TPRA1: variants seen among roughly 807,000 people sequenced by gnomAD.
The protein encoded by TPRA1 is transmembrane protein adipocyte-associated 1.
A neutral mutation model predicts 40.1 loss-of-function variants in TPRA1; 28 were observed. The ratio of observed to expected loss-of-function variants is 0.70; its 90% confidence interval spans 0.52 to 0.96. The LOEUF is 0.96. Ranked by LOEUF, TPRA1 falls within the 40% of genes least tolerant of loss-of-function variation. The probability of loss-of-function intolerance (pLI) is 0.00; values close to 1 mark genes in which losing one functional copy is unlikely to be tolerated. For synonymous variants in TPRA1, 219 were observed against 209.7 expected (o/e 1.04, Z -0.38); for missense variants, 441 against 482.6 (o/e 0.91, Z 0.81).
intron 1 of TPRA1, among the ~76,000 whole-genome samples, chr3:127,583,547 G>A (rs2073899757): frequency 6.6e-6 from 1 of 152,144 alleles, no homozygotes. Flanking sequence ...GGCCATAGCT[G>A]CAATCTTCAA....
upstream of TPRA1, among the ~76,000 whole-genome samples, chr3:127,592,383 T>TG (rs2074191935): frequency 1.4e-5 from 2 of 141,276 alleles, no homozygotes; most frequent in South Asian, 2.5e-4. Context: ...TTTTTTTTTT[T>TG]TTTTTTTTTT....
At chr3:127,592,711 G>A (rs1248298038), upstream of TPRA1, among the ~76,000 whole-genome samples, 1 of 152,222 alleles carries the variant, frequency 6.6e-6, no homozygotes, top group African/African-American at 2.4e-5. Flanking sequence ...ATGAGCGCCT[G>A]GGTGCAGGTG....
chr3:127,580,151 C>G lies in TPRA1; in HGVS notation c.-5G>C, dbSNP rs1413812221. On this transcript the variant is annotated 5_prime_UTR_variant, in exon 2 of 11. Transcript: ENST00000355552. Reference sequence around the variant, plus strand: ...CACCTCCTCCAGGGTGTCCATCCCGCCAGCAGCCAGCCCTGGGGGAGTGAG... The same window carrying G: ...CACCTCCTCCAGGGTGTCCATCCCGGCAGCAGCCAGCCCTGGGGGAGTGAG... 1 of 1,611,360 alleles carries G rather than the reference C, an allele frequency of 6.2e-7. No homozygotes were observed. Among genetic ancestry groups the G allele is most frequent in the Admixed American group, 1.7e-5 (1 of 59,990 alleles).
chr3:127,595,155 T>A (rs183704323), upstream of TPRA1, among the ~76,000 whole-genome samples: 25 of 152,268 alleles, frequency 1.6e-4, no homozygotes, highest in East Asian at 4.8e-3. Flanking sequence ...TGGGAGGAGA[T>A]CACACAAGGG....
Position 127,575,492 on chromosome 3 carries a change from G to T in TPRA1, c.684C>A (p.Phe228Leu). The T allele has an allele frequency of 6.3e-7, 1 of 1,584,366 alleles. No homozygotes were observed. The highest frequency in any genetic ancestry group is 8.6e-7 in the Non-Finnish European group (1 of 1,166,340). Reference sequence around the variant, plus strand: ...GTGCCAGGATGCCCGCATACACGTAGAAGCTCCTCCGAGCTGGGGGCCGGA... The same window carrying T: ...GTGCCAGGATGCCCGCATACACGTATAAGCTCCTCCGAGCTGGGGGCCGGA... ...ERISLPSRRSFYVYAGILALL... is the reference protein window; with the variant it reads ...ERISLPSRRSLYVYAGILALL... Residue 228 changes from phenylalanine to leucine, a missense_variant, in exon 9 of 11, where the codon TTC becomes TTA. By Grantham distance (22) the Phe-to-Leu change is conservative. Coordinates refer to ENST00000355552, the MANE Select transcript of TPRA1 (RefSeq NM_001136053.4).
Position 127,575,977 on chromosome 3 carries a change from C to A in TPRA1, c.572G>T (p.Arg191Leu). The A allele has an allele frequency of 1.9e-6, 3 of 1,614,064 alleles. No homozygotes were observed. The highest frequency in any genetic ancestry group is 2.5e-6 in the Non-Finnish European group (3 of 1,180,030). ...EDFNIYGHGG[R>L]QFWLVSSCFF... ...GCAGGAGCTGACCAGCCAGAACTGG[C>A]GGCCCCCATGGCCATAGATATTAAA... The change falls in exon 7 of 11, where the codon CGC (arginine) becomes CTC (leucine). Residue 191 changes from arginine to leucine, a missense_variant. Arg to Leu is a moderately radical substitution (Grantham distance 102, BLOSUM62 -2). Transcript: ENST00000355552.
At chr3:127,579,495 TGCCTGA>T (rs1374216064) in intron 3 of TPRA1, among the ~76,000 whole-genome samples, 1 of 152,160 alleles carries the variant, frequency 6.6e-6, no homozygotes, top group Non-Finnish European at 1.5e-5. Context: ...AGGCACTGTT[TGCCTGA>T]GTTGTAGAGG....
upstream of TPRA1, among the ~76,000 whole-genome samples, chr3:127,592,694 T>C (rs1258197707): frequency 9.2e-5 from 14 of 152,224 alleles, no homozygotes; most frequent in Non-Finnish European, 4.4e-5. Flanking sequence ...CGCAACATGC[T>C]GTTTTAATGA....
chr3:127,573,796 A>G lies in TPRA1; in HGVS notation c.855-8T>C. Reference sequence around the variant, plus strand: ...AGGATCTTGGGCTCCGAGCTGATAAAAGGAAAAGAGGGGCATGGAAGCCTC... The same window carrying G: ...AGGATCTTGGGCTCCGAGCTGATAAGAGGAAAAGAGGGGCATGGAAGCCTC... On this transcript the variant is annotated splice_polypyrimidine_tract_variant and splice_region_variant and intron_variant, in intron 10 of 10. Coordinates refer to ENST00000355552, the MANE Select transcript of TPRA1 (RefSeq NM_001136053.4). The G allele has an allele frequency of 3.9e-6, 6 of 1,550,140 alleles. No individual in the cohort carries two copies. The East Asian group carries it at 1.4e-4, about 35-fold the overall frequency.
chr3:127,577,196 G>T, intron 3 of TPRA1, 120 bp from the exon 4 acceptor site: 1 of 1,018,950 alleles, frequency 9.8e-7, no homozygotes, highest in Non-Finnish European at 1.5e-6. Context: ...AAGGAGGAAG[G>T]CGCAAAGTCA....
intron 3 of TPRA1, among the ~76,000 whole-genome samples, chr3:127,577,613 C>G (rs763637691): frequency 6.6e-6 from 1 of 152,016 alleles, no homozygotes; most frequent in Non-Finnish European, 1.5e-5. Context: ...AAAAGGTCAC[C>G]GAGAAGAGGT....
At chr3:127,598,185 T>G (rs1281839509) in exon 1 of TPRA1, 1 of 538,512 alleles carries the variant, frequency 1.9e-6, no homozygotes, top group Non-Finnish European at 3.3e-6. Flanking sequence ...CCCTGGAGCC[T>G]CAGCTTCTAC....
upstream of TPRA1, among the ~76,000 whole-genome samples, chr3:127,592,367 GTTTTTTTTTTTTTTTT>G (rs746017013): frequency 2.3e-5 from 2 of 88,508 alleles, no homozygotes; most frequent in East Asian, 3.7e-4. Flanking sequence ...GCAACATGCT[GTTTTTTTTTTTTTTTT>G]TTTTTTTTTT....
At chr3:127,579,020 C>T (rs2073740337) in intron 3 of TPRA1, among the ~76,000 whole-genome samples, 1 of 150,704 alleles carries the variant, frequency 6.6e-6, no homozygotes, top group African/African-American at 2.5e-5. Context: ...CCTGGACAGC[C>T]CACACCTGAA....
intron 1 of TPRA1, among the ~76,000 whole-genome samples, chr3:127,589,582 G>A (rs1220371670): frequency 6.6e-6 from 1 of 152,104 alleles, no homozygotes; most frequent in Non-Finnish European, 1.5e-5. Flanking sequence ...GGGAGGCCTG[G>A]GCCCAATCTG....
At chr3:127,578,313 A>G (rs73858484) in intron 3 of TPRA1, among the ~76,000 whole-genome samples, 131 of 152,350 alleles carry the variant, frequency 8.6e-4, no homozygotes, top group African/African-American at 3.1e-3. Context: ...CACCATAGCT[A>G]AAGCAGATCA....
At chr3:127,597,649 G>A (rs1241916298) in intron 1 of TPRA1, among the ~76,000 whole-genome samples, 1 of 152,170 alleles carries the variant, frequency 6.6e-6, no homozygotes, top group Non-Finnish European at 1.5e-5. Context: ...GCTCCCCTGG[G>A]CAAAGATAAC....
At chr3:127,597,845 T>A (rs1280658933) in intron 1 of TPRA1, among the ~76,000 whole-genome samples, 1 of 151,932 alleles carries the variant, frequency 6.6e-6, no homozygotes, top group Non-Finnish European at 1.5e-5. Context: ...TCTCACTCTG[T>A]CACCCAGGCT....
In TPRA1 at chr3:127,584,700, C is replaced by T. The variant is rs538784410; in HGVS notation, c.-17-4537G>A. ...GGCCATGTGGCTGAGTTTTATCCAA[C>T]TGGACACGAGCTGAGACAGGCTGAC... On this transcript the variant is annotated intron_variant, in intron 1 of 10. Transcript: ENST00000355552. 1.4e-3 allele frequency among the ~76,000 whole-genome samples: 207 copies of T among 152,224 alleles called. 1 individual carries two copies. Among genetic ancestry groups the T allele is most frequent in the African/African-American group, 4.8e-3 (198 of 41,536 alleles).
Sources: allele counts gnomAD v4.1 joint callset (sites outside exome capture counted in the v4.1 genomes callset), GRCh38; gene constraint gnomAD v4.1.1; transcripts MANE v1.5; gene names NCBI Gene and HGNC (gene_info 2026-07-23, HGNC 2026-07-21).